Variants in NAV2 observed in about 807,000 individuals in gnomAD.
NAV2 encodes helicase, APC down-regulated 1.
A neutral mutation model predicts 223.2 loss-of-function variants in NAV2; 54 were observed. That is an observed-to-expected ratio of 0.24 (90% CI 0.19 to 0.30). The LOEUF (loss-of-function observed/expected upper bound fraction) is 0.30, where lower values mean the gene tolerates loss of function less well. NAV2 is among the 10% of genes least tolerant of loss of function. The probability of loss-of-function intolerance (pLI) is 1.00; values close to 1 mark genes in which losing one functional copy is unlikely to be tolerated. For synonymous variants in NAV2, 1,279 were observed against 1,239.3 expected (o/e 1.03, Z -0.67); for missense variants, 2,806 against 3,147.5 (o/e 0.89, Z 2.60).
rs1404883588 is a variant in NAV2 at position 19,744,161 on chromosome 11, A to G, written c.267+30199A>G. The stretch of plus-strand genomic sequence containing the variant: ...AGGTTCAGTCACTTAGTGAAGTGGG[A>G]GCTTGGTTTTAAACCCATACTTCTG... On this transcript the variant is annotated intron_variant, in intron 1 of 37. Transcript: ENST00000349880. Among the ~76,000 whole-genome samples, 4 of 152,314 alleles carry G rather than the reference A, an allele frequency of 2.6e-5. No homozygotes were observed. In the South Asian group the frequency reaches 6.2e-4, roughly 24 times the overall value.
At chr11:19,584,120 T>C (rs1430376877) in intron 1 of NAV2, among the ~76,000 whole-genome samples, 1 of 152,228 alleles carries the variant, frequency 6.6e-6, no homozygotes, top group Non-Finnish European at 1.5e-5. Flanking sequence ...AGTGTATGTA[T>C]TGAGGAATTT....
chr11:19,483,998 C>T (rs11025151), intron 1 of NAV2, among the ~76,000 whole-genome samples: 40,744 of 151,958 alleles, frequency 0.27, 5,717 homozygotes, highest in East Asian at 0.31. Flanking sequence ...GTGTCACAGA[C>T]CACTGGGAGG....
At chr11:19,921,460 G>C (rs2044264448) in intron 6 of NAV2, among the ~76,000 whole-genome samples, 2 of 152,212 alleles carry the variant, frequency 1.3e-5, no homozygotes, top group Non-Finnish European at 2.9e-5. Flanking sequence ...TAAATTGTCT[G>C]ACGTTCCTAT....
chr11:19,498,930 AC>A (rs765400320), intron 1 of NAV2, among the ~76,000 whole-genome samples: 19 of 152,220 alleles, frequency 1.2e-4, no homozygotes, highest in Non-Finnish European at 2.5e-4. Context: ...GTTTGTCCTC[AC>A]TGAGTAGCAA....
At chr11:19,996,669 T>C (rs1408877684) in intron 11 of NAV2, among the ~76,000 whole-genome samples, 1 of 152,232 alleles carries the variant, frequency 6.6e-6, no homozygotes, top group African/African-American at 2.4e-5. Context: ...GCCTCTGCTG[T>C]AAACCCCTGT....
chr11:19,933,558 G>C lies in NAV2; in HGVS notation c.1314G>C (p.Glu438Asp), dbSNP rs1393345058. ...ERLETLPSFEESEELEAASRM... is the reference protein window; with the variant it reads ...ERLETLPSFEDSEELEAASRM... ...TGGAGACTCTGCCCAGCTTCGAAGA[G>C]AGCGAGGAGCTGGAGGCCGCCAGTC... The change falls in exon 7 of 38, where the codon GAG (glutamate) becomes GAC (aspartate). Residue 438 changes from glutamate (E) to aspartate (D), a missense_variant. By Grantham distance (45) the Glu-to-Asp change is conservative (BLOSUM62 2). This residue lies in a region of NAV2 where 1,167 missense variants were observed against 1,180.5 expected (regional missense o/e 0.99). Transcript: ENST00000349880. The surrounding 1 kb of genome is among the most constrained non-coding windows in gnomAD (Gnocchi z 4.3). 1 of 1,610,274 alleles carries C rather than the reference G, an allele frequency of 6.2e-7. No individual in the cohort carries two copies. The highest frequency in any genetic ancestry group is 8.5e-7 in the Non-Finnish European group (1 of 1,177,766).
chr11:19,995,253 A>G (rs1174117490), intron 11 of NAV2, among the ~76,000 whole-genome samples: 1 of 152,218 alleles, frequency 6.6e-6, no homozygotes, highest in Non-Finnish European at 1.5e-5. Flanking sequence ...AGTTAACAGA[A>G]TGACTCATGG....
chr11:19,686,948 C>T (rs1590089610), intron 1 of NAV2, among the ~76,000 whole-genome samples: 1 of 152,234 alleles, frequency 6.6e-6, no homozygotes, highest in South Asian at 2.1e-4. Flanking sequence ...TATTATTAGC[C>T]CCATTTTACA....
chr11:19,954,599 G>A (rs1422543388), intron 10 of NAV2, among the ~76,000 whole-genome samples: 1 of 152,116 alleles, frequency 6.6e-6, no homozygotes, highest in Admixed American at 6.6e-5. Context: ...ATGCTATATG[G>A]ATAGTTGTTA....
chr11:19,820,621 G>A lies in NAV2; in HGVS notation c.268-11863G>A, dbSNP rs1208438085. On this transcript the variant is annotated intron_variant, in intron 1 of 37. Transcript: ENST00000349880. ...GGTGAGAGGTGGTAGCCGTGAGGCT[G>A]GTCAGCTTGAGTCAGAGGGAGCTTC... Among the ~76,000 whole-genome samples, 4 of 152,340 alleles carry A rather than the reference G, an allele frequency of 2.6e-5. No individual in the cohort carries two copies. In the East Asian group the frequency reaches 7.7e-4, roughly 29 times the overall value.
At chr11:19,402,388 T>C (rs901687559) in intron 1 of NAV2, among the ~76,000 whole-genome samples, 1 of 152,228 alleles carries the variant, frequency 6.6e-6, no homozygotes, top group Non-Finnish European at 1.5e-5. Flanking sequence ...CAGAGCTCAG[T>C]GCTTTGAAAC....
chr11:19,825,151 G>A (rs896479035), intron 1 of NAV2, among the ~76,000 whole-genome samples: 2 of 151,850 alleles, frequency 1.3e-5, no homozygotes. Context: ...AATTAGCTGG[G>A]CATGGTGGTG....
chr11:19,897,239 G>A (rs146448517), intron 6 of NAV2, among the ~76,000 whole-genome samples: 5 of 152,070 alleles, frequency 3.3e-5, no homozygotes, highest in African/African-American at 9.7e-5. Flanking sequence ...GTTGTGGGGT[G>A]GGGGGAGGAG....
chr11:19,770,641 G>T (rs1005095059), intron 1 of NAV2, among the ~76,000 whole-genome samples: 1 of 152,156 alleles, frequency 6.6e-6, no homozygotes, highest in African/African-American at 2.4e-5. Flanking sequence ...CTTGGGACCA[G>T]TTTGTCTGCT....
chr11:19,922,189 C>G (rs750771491), intron 6 of NAV2, among the ~76,000 whole-genome samples: 3 of 152,126 alleles, frequency 2.0e-5, no homozygotes, highest in Non-Finnish European at 4.4e-5. Flanking sequence ...CTCTCACTGT[C>G]CAGACACTCT....
chr11:19,805,414 A>G (rs1220613782), intron 1 of NAV2, among the ~76,000 whole-genome samples: 1 of 149,390 alleles, frequency 6.7e-6, no homozygotes, highest in African/African-American at 2.5e-5. Flanking sequence ...GAATTTTGAG[A>G]TGGGGGTTTG....
At chr11:19,530,586 A>G (rs112933059) in intron 1 of NAV2, among the ~76,000 whole-genome samples, 2,640 of 152,118 alleles carry the variant, frequency 0.017, 65 homozygotes, top group African/African-American at 0.051. Flanking sequence ...AAGTCTTCCC[A>G]CCCCCAAAGC....
intron 3 of NAV2, among the ~76,000 whole-genome samples, chr11:19,855,788 G>C (rs2061381138): frequency 6.6e-6 from 1 of 152,208 alleles, no homozygotes; most frequent in African/African-American, 2.4e-5. Context: ...GCCTTTCATG[G>C]TTAGCCTTTG....
chr11:20,111,339 T>C (rs1279070724), intron 36 of NAV2, among the ~76,000 whole-genome samples: 2 of 152,230 alleles, frequency 1.3e-5, no homozygotes, highest in Non-Finnish European at 2.9e-5. Context: ...TGTCCTCCCC[T>C]CTGTGTCTGT....
Sources: gnomAD v4.1 joint callset for allele counts (sites outside exome capture counted in the v4.1 genomes callset) on GRCh38, gnomAD v4.1.1 for gene constraint, gnomAD v4.1.1 regional missense constraint, Gnocchi (gnomAD v3.1) non-coding constraint, MANE v1.5 for transcripts, NCBI Gene and HGNC (gene_info 2026-07-23, HGNC 2026-07-21) for gene names.